The following ADAM23 variants were observed in gnomAD, a reference collection of about 807,000 sequenced individuals.
The protein encoded by ADAM23 is disintegrin and metalloproteinase domain-containing protein 23.
ADAM23 carries 33 observed loss-of-function variants against 120.1 expected under a neutral mutation model. The observed-to-expected ratio is 0.27, with a 90% confidence interval of 0.21 to 0.37. The LOEUF (loss-of-function observed/expected upper bound fraction) is 0.37. Among genes scored for constraint, ADAM23 ranks in the 10% least tolerant of loss-of-function variants. ADAM23 has a pLI of 1.00. For missense variants in ADAM23, 862 were observed against 1,058.2 expected, an observed-to-expected ratio of 0.81 and a Z score of 2.57; for synonymous variants, 367 against 375.2, an observed-to-expected ratio of 0.98 and a Z score of 0.25.
intron 3 of ADAM23, among the ~76,000 whole-genome samples, chr2:206,523,982 T>A (rs1282936328): frequency 6.6e-6 from 1 of 152,096 alleles, no homozygotes; most frequent in Non-Finnish European, 1.5e-5. Context: ...TTGGTTGTCA[T>A]TAAATGAATG....
chr2:206,537,384 T>C (rs573617154), intron 4 of ADAM23, among the ~76,000 whole-genome samples: 1 of 152,098 alleles, frequency 6.6e-6, no homozygotes, highest in South Asian at 2.1e-4. Flanking sequence ...TGGAAGAGAT[T>C]GGAGGAGTGC....
chr2:206,595,786 TTAAGAA>T (rs1411642809), intron 23 of ADAM23, among the ~76,000 whole-genome samples: 1 of 150,622 alleles, frequency 6.6e-6, no homozygotes, highest in Non-Finnish European at 1.5e-5. Flanking sequence ...ATAATTCAAT[TTAAGAA>T]TAATAATAAA....
At chr2:206,494,416 G>T (rs983143491) in intron 3 of ADAM23, among the ~76,000 whole-genome samples, 3 of 152,184 alleles carry the variant, frequency 2.0e-5, no homozygotes, top group African/African-American at 7.2e-5. Context: ...GCTAGCATTT[G>T]CCCTCCCTGT....
chr2:206,549,186 C>T (rs1447748526), intron 8 of ADAM23, among the ~76,000 whole-genome samples: 1 of 151,072 alleles, frequency 6.6e-6, no homozygotes, highest in East Asian at 1.9e-4. Context: ...AAAAATAGAC[C>T]ACCAGCCATC....
chr2:206,522,064 A>G (rs1356646975), intron 3 of ADAM23, among the ~76,000 whole-genome samples: 2 of 152,086 alleles, frequency 1.3e-5, no homozygotes, highest in Non-Finnish European at 1.5e-5. Context: ...TGCATGTTGT[A>G]TACATAATTC....
At chr2:206,495,385 A>G (rs1574496764) in intron 3 of ADAM23, among the ~76,000 whole-genome samples, 2 of 152,304 alleles carry the variant, frequency 1.3e-5, no homozygotes, top group African/African-American at 2.4e-5. Flanking sequence ...CCAGAATTTC[A>G]TATCCAGCCA....
At chr2:206,488,141 AC>A (rs1217301287) in intron 3 of ADAM23, among the ~76,000 whole-genome samples, 6 of 152,240 alleles carry the variant, frequency 3.9e-5, no homozygotes, top group African/African-American at 1.4e-4. Flanking sequence ...TAGCTTAAAT[AC>A]AGAGCCCAAC....
chr2:206,532,463 C>T (rs1185264879), intron 4 of ADAM23, among the ~76,000 whole-genome samples: 2 of 152,026 alleles, frequency 1.3e-5, no homozygotes, highest in Admixed American at 6.6e-5. Flanking sequence ...GGTATTTCAA[C>T]TCTAGCAAAA....
intron 6 of ADAM23, among the ~76,000 whole-genome samples, chr2:206,547,136 T>C (rs961322229): frequency 1.3e-5 from 2 of 152,328 alleles, no homozygotes; most frequent in Non-Finnish European, 2.9e-5. Flanking sequence ...TGTTTTTACA[T>C]GTTTATTGAC....
At chr2:206,464,326 G>T (rs1188907813) in intron 2 of ADAM23, among the ~76,000 whole-genome samples, 1 of 152,122 alleles carries the variant, frequency 6.6e-6, no homozygotes, top group Non-Finnish European at 1.5e-5. Context: ...TGTAATCCCA[G>T]CACTTTGGGA....
In ADAM23 at chr2:206,443,839, A is replaced by T; in HGVS notation, c.-28A>T. 9.2e-7 allele frequency: 1 copy of T among 1,088,156 alleles called. No homozygotes were observed. Among genetic ancestry groups the T allele is most frequent in the Non-Finnish European group, 1.1e-6 (1 of 897,564 alleles). 67.4% of individuals were successfully genotyped at this position (1,088,156 alleles called of 1,614,324 possible). A position where few individuals can be genotyped will look rare whatever the true frequency, so the allele number is the denominator to read the frequency against. On this transcript the variant is annotated 5_prime_UTR_variant, in exon 1 of 26. Transcript: ENST00000264377. ...CTAGCCCGGCGCTCTCGCCGGCCAC[A>T]CGGAGCGGCGCCCGGGAGCTATGAG... is the stretch of plus-strand genomic sequence containing the variant.
chr2:206,456,354 A>G (rs1574477030), intron 2 of ADAM23, among the ~76,000 whole-genome samples: 1 of 151,812 alleles, frequency 6.6e-6, no homozygotes, highest in African/African-American at 2.4e-5. Flanking sequence ...AGATCCAATC[A>G]CCTCCCACCA....
intron 7 of ADAM23, 23 bp from the exon 8 acceptor site, chr2:206,548,258 A>T (rs776462872): frequency 2.5e-6 from 4 of 1,602,850 alleles, no homozygotes; most frequent in Non-Finnish European, 3.4e-6. Flanking sequence ...TAAAATTTTG[A>T]TACTAATTTT....
intron 2 of ADAM23, among the ~76,000 whole-genome samples, chr2:206,469,449 ATTG>A (rs1349845999): frequency 1.3e-5 from 2 of 152,214 alleles, no homozygotes; most frequent in African/African-American, 4.8e-5. Flanking sequence ...CATCAACTCT[ATTG>A]TTATTTCCCA....
At chr2:206,604,190 C>T (rs1026029660) in intron 24 of ADAM23, among the ~76,000 whole-genome samples, 5 of 151,724 alleles carry the variant, frequency 3.3e-5, no homozygotes, top group Admixed American at 3.3e-4. Context: ...TGCTTGAACC[C>T]GGGAGGCAGA....
chr2:206,537,266 G>T (rs528502100), intron 4 of ADAM23, among the ~76,000 whole-genome samples: 3 of 152,108 alleles, frequency 2.0e-5, no homozygotes, highest in Non-Finnish European at 4.4e-5. Context: ...GTTCAAGCTC[G>T]CTTCTAAGAG....
chr2:206,508,243 A>C (rs895213716), intron 3 of ADAM23, among the ~76,000 whole-genome samples: 18 of 152,056 alleles, frequency 1.2e-4, no homozygotes, highest in Admixed American at 7.9e-4. Context: ...GTTAGCCAGG[A>C]TGGTCTTGAT....
At chr2:206,510,126 C>T (rs887504787) in intron 3 of ADAM23, among the ~76,000 whole-genome samples, 22 of 152,270 alleles carry the variant, frequency 1.4e-4, no homozygotes, top group African/African-American at 4.6e-4. Flanking sequence ...TTATGAAGTG[C>T]ATATACTGTG....
At chr2:206,447,191 T>C (rs1448905) in intron 2 of ADAM23, among the ~76,000 whole-genome samples, 57,017 of 152,056 alleles carry the variant, frequency 0.37, 10,805 homozygotes, top group Middle Eastern at 0.43. Flanking sequence ...GACTGTAATA[T>C]ACCTGACTTC....
Sources: gnomAD v4.1 joint callset for allele counts (sites outside exome capture counted in the v4.1 genomes callset) on GRCh38, gnomAD v4.1.1 for gene constraint, MANE v1.5 for transcripts, NCBI Gene and HGNC (gene_info 2026-07-23, HGNC 2026-07-21) for gene names.